Variants in FAM229B observed in about 807,000 individuals in gnomAD.
FAM229B encodes protein FAM229B.
Under a neutral mutation model 6.7 loss-of-function variants are expected in FAM229B, and 2 were observed. That is an observed-to-expected ratio of 0.30 (90% CI 0.12 to 0.94). The LOEUF (loss-of-function observed/expected upper bound fraction) is 0.94. Among genes scored for constraint, FAM229B ranks in the 40% least tolerant of loss-of-function variants. The pLI, the probability that FAM229B is intolerant of heterozygous loss-of-function variation, is 0.54. For missense variants in FAM229B, 93 were observed against 96.2 expected (o/e 0.97, Z 0.14); for synonymous variants, 29 against 34.0 (o/e 0.85, Z 0.51).
At chr6:112,099,186 C>A in intron 2 of FAM229B, 84 bp from the exon 3 acceptor site, 2 of 1,202,314 alleles carry the variant, frequency 1.7e-6, no homozygotes, top group Non-Finnish European at 2.4e-6. Context: ...ACATTCCATG[C>A]AAGTCTTTGA....
At chr6:112,098,091 G>A (rs1562611296) in intron 2 of FAM229B, among the ~76,000 whole-genome samples, 2 of 152,136 alleles carry the variant, frequency 1.3e-5, no homozygotes, top group African/African-American at 4.8e-5. Flanking sequence ...TCCCTCCCCA[G>A]CTAAGAACTA....
chr6:112,100,646 C>T (rs1348591528), intron 3 of FAM229B, 24 bp from the exon 4 acceptor site: 2 of 1,499,412 alleles, frequency 1.3e-6, no homozygotes, highest in Non-Finnish European at 1.9e-6. Context: ...TATCTAACTA[C>T]ATGTCATCTG....
At chr6:112,097,561 C>CTGAAAACATTGTGTACTAATAGT (rs1554318791) in intron 2 of FAM229B, among the ~76,000 whole-genome samples, 1 of 146,942 alleles carries the variant, frequency 6.8e-6, no homozygotes, top group African/African-American at 2.6e-5. Flanking sequence ...GTACTAATAG[C>CTGAAAACATTGTGTACTAATAGT]TGAAAACATT....
At chr6:112,091,111 T>C (rs1194545426) in intron 1 of FAM229B, among the ~76,000 whole-genome samples, 1 of 152,128 alleles carries the variant, frequency 6.6e-6, no homozygotes, top group Non-Finnish European at 1.5e-5. Context: ...GTGTTTCTCT[T>C]TCTGTGGCTG....
chr6:112,089,984 A>C (rs1777236783), intron 1 of FAM229B, among the ~76,000 whole-genome samples: 1 of 152,206 alleles, frequency 6.6e-6, no homozygotes, highest in Non-Finnish European at 1.5e-5. Context: ...TTTCAGAATA[A>C]AGAGAGAATT....
chr6:112,089,283 A>AGAGGGAGGGAAGAGAG (rs1777225312), intron 1 of FAM229B, among the ~76,000 whole-genome samples: 1 of 152,056 alleles, frequency 6.6e-6, no homozygotes, highest in African/African-American at 2.4e-5. Flanking sequence ...GAAGGAAGAC[A>AGAGGGAGGGAAGAGAG]AGGATGGAAG....
At position 112,100,809 on chromosome 6, in the gene FAM229B, G is replaced by A; in HGVS notation, c.*22G>A. 6.5e-7 allele frequency: 1 copy of A among 1,541,406 alleles called. No individual in the cohort carries two copies. Among genetic ancestry groups the A allele is most frequent in the Non-Finnish European group, 9.0e-7 (1 of 1,114,016 alleles). ...ATAGCACCATTAAGTCTTTTGTCAA[G>A]GTCTGACTAGGTCAAGGGTAATGGA... On this transcript the variant is annotated 3_prime_UTR_variant, in exon 4 of 4. Transcript: ENST00000368656.
chr6:112,096,320 G>T (rs1554318641), intron 1 of FAM229B, among the ~76,000 whole-genome samples: 1 of 152,178 alleles, frequency 6.6e-6, no homozygotes, highest in Non-Finnish European at 1.5e-5. Context: ...ACTTTGGGAG[G>T]CCGAGGCGGG....
At chr6:112,096,705 A>G (rs1289037320) in intron 1 of FAM229B, among the ~76,000 whole-genome samples, 1 of 149,434 alleles carries the variant, frequency 6.7e-6, no homozygotes, top group Non-Finnish European at 1.5e-5. Flanking sequence ...CCCATGTAAG[A>G]GTTATAGAGA....
chr6:112,098,336 T>A (rs1371645240), intron 2 of FAM229B, among the ~76,000 whole-genome samples: 1 of 152,270 alleles, frequency 6.6e-6, no homozygotes. Context: ...GGAGTTCATT[T>A]ATATGTGTTT....
intron 1 of FAM229B, among the ~76,000 whole-genome samples, chr6:112,090,832 AT>A (rs1232317739): frequency 1.3e-5 from 2 of 152,196 alleles, no homozygotes; most frequent in African/African-American, 4.8e-5. Flanking sequence ...CATATCCATC[AT>A]TTCACATACT....
chr6:112,094,148 T>C (rs6907400), intron 1 of FAM229B, among the ~76,000 whole-genome samples: 37,758 of 151,602 alleles, frequency 0.25, 4,713 homozygotes, highest in East Asian at 0.32. Context: ...CTTAAGAAAT[T>C]AGAAAAAGAA....
intron 1 of FAM229B, among the ~76,000 whole-genome samples, chr6:112,091,887 A>C (rs1777261676): frequency 6.6e-6 from 1 of 152,174 alleles, no homozygotes; most frequent in Non-Finnish European, 1.5e-5. Flanking sequence ...AGAAATATGA[A>C]AAAGAGATCC....
chr6:112,095,678 GAA>G (rs142956370), intron 1 of FAM229B, among the ~76,000 whole-genome samples: 6,059 of 108,954 alleles, frequency 0.056, 448 homozygotes, highest in African/African-American at 0.19. Context: ...AAAAAAAAAA[GAA>G]AAAAAAAAAC....
rs1226855191 is a variant in FAM229B at position 112,087,683 on chromosome 6, C to T, written c.-213C>T. On this transcript the variant is annotated 5_prime_UTR_variant, in exon 1 of 4. Coordinates refer to ENST00000368656, the MANE Select transcript of FAM229B (RefSeq NM_001033564.3). ...ATCCTAGCTGCCTTGTCAACATCTT[C>T]GAGCATCGGCAGCTCCGGAGGCCGG... 2.1e-6 allele frequency: 1 copy of T among 465,902 alleles called. No homozygotes were observed. The highest frequency in any genetic ancestry group is 3.8e-6 in the Non-Finnish European group (1 of 262,724). 28.9% of individuals were successfully genotyped at this position (465,902 alleles called of 1,614,324 possible).
intron 1 of FAM229B, among the ~76,000 whole-genome samples, chr6:112,092,899 A>G (rs1353235260): frequency 6.6e-6 from 1 of 152,042 alleles, no homozygotes; most frequent in Non-Finnish European, 1.5e-5. Flanking sequence ...AAAGGTGTAT[A>G]GTAATAAACC....
At chr6:112,091,997 T>G (rs1777262971) in intron 1 of FAM229B, among the ~76,000 whole-genome samples, 1 of 151,898 alleles carries the variant, frequency 6.6e-6, no homozygotes, top group Non-Finnish European at 1.5e-5. Flanking sequence ...ATTAGCAAAC[T>G]TAAAGATGTA....
rs1777364822 is a variant in FAM229B at position 112,099,301 on chromosome 6, A to G, written c.18A>G (p.Gly6=). MPFQF[G]TQPRRFPVEG... Reference sequence around the variant, plus strand: ...AGTGAAGTATGCCTTTTCAATTTGGAACCCAGCCAAGGAGGTTTCCAGTGG... The same window carrying G: ...AGTGAAGTATGCCTTTTCAATTTGGGACCCAGCCAAGGAGGTTTCCAGTGG... The change falls in exon 3 of 4, where the codon GGA becomes GGG. Residue 6 remains glycine (G), a synonymous_variant. Transcript: ENST00000368656. 3 of 1,613,524 alleles carry G rather than the reference A, an allele frequency of 1.9e-6. No individual in the cohort carries two copies. The South Asian group carries it at 3.3e-5, about 18-fold the overall frequency.
At chr6:112,092,018 C>T (rs138362168) in intron 1 of FAM229B, among the ~76,000 whole-genome samples, 1 of 152,130 alleles carries the variant, frequency 6.6e-6, no homozygotes, top group Non-Finnish European at 1.5e-5. Context: ...GCAATGGAAA[C>T]TGTGCAAAAT....
Sources: gnomAD v4.1 joint callset for allele counts (sites outside exome capture counted in the v4.1 genomes callset) on GRCh38, gnomAD v4.1.1 for gene constraint, MANE v1.5 for transcripts, NCBI Gene and HGNC (gene_info 2026-07-23, HGNC 2026-07-21) for gene names.